Variants in APOL3 observed in about 807,000 individuals in gnomAD.
The protein encoded by APOL3 is TNF-inducible protein CG12-1.
A neutral mutation model predicts 11.6 loss-of-function variants in APOL3; 14 were observed. That is an observed-to-expected ratio of 1.21 (90% confidence interval 0.80 to 1.89). The LOEUF (loss-of-function observed/expected upper bound fraction) is 1.89, where lower values mean the gene tolerates loss of function less well. Ranked by LOEUF, APOL3 falls within the 40% of genes most tolerant of loss-of-function variation. The pLI is 0.00. For synonymous variants in APOL3, 192 were observed against 190.6 expected (o/e 1.01, Z -0.06); for missense variants, 483 against 492.1 (o/e 0.98, Z 0.17).
At chr22:36,149,721 T>C (rs2060359204) in intron 1 of APOL3, 4 of 392,844 alleles carry the variant, frequency 1.0e-5, no homozygotes, top group Non-Finnish European at 5.1e-6. Flanking sequence ...ATGTCTTCCA[T>C]GACTGGGCTC....
At chr22:36,160,722 G>A (rs2013628506) in exon 1 of APOL3, 2 of 1,614,118 alleles carry the variant, frequency 1.2e-6, no homozygotes, top group South Asian at 1.1e-5. Context: ...TCTGAGCTGT[G>A]TGGATCCCAC....
chr22:36,152,560 A>G (rs558714881), intron 1 of APOL3, among the ~76,000 whole-genome samples: 151 of 152,334 alleles, frequency 9.9e-4, no homozygotes, highest in Non-Finnish European at 1.5e-3. Context: ...TACTGGCTAC[A>G]GTTAAGGGCA....
chr22:36,146,957 C>T (rs528424037), intron 1 of APOL3, among the ~76,000 whole-genome samples: 9 of 152,132 alleles, frequency 5.9e-5, no homozygotes, highest in South Asian at 2.1e-4. Flanking sequence ...TCGTTTCCTG[C>T]CGTGGACACA....
chr22:36,157,116 A>T, intron 1 of APOL3: 1 of 430,328 alleles, frequency 2.3e-6, no homozygotes, highest in Non-Finnish European at 4.7e-6. Flanking sequence ...CCCCAGTCTT[A>T]TTACTTTTGT....
At chr22:36,162,988 A>T (rs1221072725), upstream of APOL3, among the ~76,000 whole-genome samples, 1 of 152,260 alleles carries the variant, frequency 6.6e-6, no homozygotes, top group Non-Finnish European at 1.5e-5. Context: ...TTGCTGCATT[A>T]GAGAGGGGGT....
intron 1 of APOL3, 150 bp downstream of exon 1, chr22:36,160,519 T>G (rs112862318): frequency 2.6e-6 from 2 of 767,930 alleles, no homozygotes; most frequent in Non-Finnish European, 4.2e-6. Flanking sequence ...AAAACCTGGG[T>G]GCAAATTCAG....
intron 1 of APOL3, chr22:36,154,316 G>T: frequency 4.4e-6 from 1 of 229,530 alleles, no homozygotes; most frequent in Non-Finnish European, 8.8e-6. Context: ...AATTGATTGT[G>T]ATTATTATGA....
upstream of APOL3, chr22:36,161,595 C>G (rs1158072134): frequency 6.5e-6 from 1 of 153,426 alleles, no homozygotes; most frequent in Non-Finnish European, 1.4e-5. Flanking sequence ...GCATTTCCTC[C>G]CCTGAGAAGC....
exon 3 of APOL3, chr22:36,141,858 C>A (rs1181613706): frequency 5.6e-6 from 9 of 1,614,208 alleles, no homozygotes; most frequent in Non-Finnish European, 6.8e-6. Flanking sequence ...GGAGATGGTG[C>A]AGCCTCTGTG....
intron 1 of APOL3, chr22:36,153,491 G>A (rs983639746): frequency 2.6e-4 from 114 of 443,382 alleles, no homozygotes; most frequent in Non-Finnish European, 3.3e-4. Context: ...TAATCAGAGT[G>A]AACTCCTATC....
chr22:36,150,620 C>T (rs1297226378), intron 1 of APOL3, among the ~76,000 whole-genome samples: 1 of 152,194 alleles, frequency 6.6e-6, no homozygotes. Flanking sequence ...GCCTTAATCC[C>T]AGCAATTTGG....
At position 36,141,675 on chromosome 22, in the gene APOL3, G is replaced by A. The variant is rs2059996347; in HGVS notation, c.734C>T (p.Thr245Ile). 1 of 1,614,096 alleles carries A rather than the reference G, an allele frequency of 6.2e-7. No individual in the cohort carries two copies. Among genetic ancestry groups the A allele is most frequent in the Non-Finnish European group, 8.5e-7 (1 of 1,180,034 alleles). Residue 245 changes from threonine (T) to isoleucine (I), a missense_variant, in exon 3 of 3, where the codon ACA (threonine) becomes ATA (isoleucine). Thr to Ile is a moderately conservative substitution (Grantham distance 89). Transcript: ENST00000349314. The stretch of plus-strand genomic sequence containing the variant: ...GCTGGCTTCAGCTTCTGCTGATGAT[G>A]TGTATGAGTGCTCCACGATGCTGGT...
In APOL3 at chr22:36,145,296, C is replaced by T. The variant is rs149572043; in HGVS notation, c.350+177G>A. ...TTCCTCTCCCCTCAGCCTGAGGTCA[C>T]TCACTGCCAGCGAAGGACTTGGAGG... On this transcript the variant is annotated intron_variant, in intron 2 of 2. Transcript: ENST00000349314. Among the ~76,000 whole-genome samples the T allele has an allele frequency of 1.9e-3, 288 of 152,334 alleles. 1 individual carries two copies. Among genetic ancestry groups the T allele is most frequent in the African/African-American group, 6.7e-3 (277 of 41,574 alleles).
At chr22:36,145,374 G>A in intron 2 of APOL3, 99 bp downstream of exon 3, 1 of 1,443,484 alleles carries the variant, frequency 6.9e-7, no homozygotes. Flanking sequence ...AGCAGAGGGG[G>A]CTGCCTGGAG....
chr22:36,164,820 T>C (rs2013817975), upstream of APOL3: 1 of 152,218 alleles, frequency 6.6e-6, no homozygotes, highest in Non-Finnish European at 1.5e-5. Context: ...ATCCCATCAC[T>C]CCTTCCTCTA....
chr22:36,141,416 C>T, exon 3 of APOL3: 1 of 1,614,178 alleles, frequency 6.2e-7, no homozygotes, highest in Admixed American at 1.7e-5. Flanking sequence ...TGCTCACTGC[C>T]CGGGTGGTGC....
At chr22:36,149,293 C>A (rs1335035970) in intron 1 of APOL3, 151 bp from the exon 2 acceptor site, 2 of 1,305,728 alleles carry the variant, frequency 1.5e-6, no homozygotes. Context: ...TGGGCCCCAG[C>A]CAGCTGGTAT....
exon 3 of APOL3, chr22:36,142,025 C>T (rs200398746): frequency 4.3e-6 from 7 of 1,613,774 alleles, no homozygotes; most frequent in Non-Finnish European, 5.9e-6. Flanking sequence ...TTCTAAGCTT[C>T]TTCAGAGCTT....
At chr22:36,145,892 A>G (rs1004534022) in intron 1 of APOL3, among the ~76,000 whole-genome samples, 2 of 152,048 alleles carry the variant, frequency 1.3e-5, no homozygotes, top group Non-Finnish European at 2.9e-5. Context: ...AAAAGAAAAA[A>G]AAGAGGCAGA....
Sources: allele counts gnomAD v4.1 joint callset (sites outside exome capture counted in the v4.1 genomes callset), GRCh38; gene constraint gnomAD v4.1.1; transcripts MANE v1.5; gene names NCBI Gene and HGNC (gene_info 2026-07-23, HGNC 2026-07-21).